PRMT3: variants seen among roughly 807,000 people sequenced by gnomAD.
The protein encoded by PRMT3 is protein arginine N-methyltransferase 3.
In PRMT3, 62 loss-of-function variants were observed where a neutral mutation model predicts 71.9. The ratio of observed to expected loss-of-function variants is 0.86; its 90% CI spans 0.70 to 1.07. PRMT3 has a LOEUF of 1.07. Among genes scored for constraint, PRMT3 ranks in the 50% least tolerant of loss-of-function variants. The probability of loss-of-function intolerance (pLI) is 0.00; values close to 1 mark genes in which losing one functional copy is unlikely to be tolerated. For synonymous variants in PRMT3, 213 were observed against 220.4 expected, an observed-to-expected ratio of 0.97 and a Z score of 0.30; for missense variants, 663 against 643.0, an observed-to-expected ratio of 1.03 and a Z score of -0.34.
intron 13 of PRMT3, among the ~76,000 whole-genome samples, chr11:20,476,324 T>G (rs1334351274): frequency 6.6e-6 from 1 of 152,094 alleles, no homozygotes; most frequent in African/African-American, 2.4e-5. Context: ...TGCACTCCAG[T>G]CTTGGCAATA....
intron 9 of PRMT3, among the ~76,000 whole-genome samples, chr11:20,419,909 C>T (rs543041253): frequency 2.6e-5 from 4 of 152,202 alleles, no homozygotes; most frequent in Non-Finnish European, 5.9e-5. Context: ...CAGTGGCTCA[C>T]GCCTGTAATT....
At chr11:20,391,455 C>T (rs1341759430) in intron 3 of PRMT3, among the ~76,000 whole-genome samples, 1 of 152,176 alleles carries the variant, frequency 6.6e-6, no homozygotes, top group Non-Finnish European at 1.5e-5. Context: ...GTTGGTCAGG[C>T]TGGTCTGGAA....
chr11:20,392,171 A>G (rs1419914597), intron 3 of PRMT3, 40 bp from the exon 4 acceptor site: 2 of 1,550,488 alleles, frequency 1.3e-6, no homozygotes, highest in African/African-American at 2.7e-5. Flanking sequence ...AACAAAACTC[A>G]TTATGTTAAC....
At chr11:20,403,071 T>C in intron 8 of PRMT3, 87 bp downstream of exon 8, 2 of 966,246 alleles carry the variant, frequency 2.1e-6, no homozygotes, top group Admixed American at 1.9e-5. Flanking sequence ...GTGATAGCAA[T>C]TGATTTAACA....
chr11:20,440,995 C>T (rs1849881259), intron 10 of PRMT3, among the ~76,000 whole-genome samples: 1 of 42,380 alleles, frequency 2.4e-5, no homozygotes, highest in Non-Finnish European at 1.5e-4. Context: ...TTCACCTCTC[C>T]CTTTTTTTTT....
chr11:20,453,218 C>T (rs532454514), intron 11 of PRMT3, among the ~76,000 whole-genome samples: 3 of 151,244 alleles, frequency 2.0e-5, no homozygotes, highest in Admixed American at 6.6e-5. Flanking sequence ...CAGTGGCTCA[C>T]GCTTGTAATC....
chr11:20,487,279 A>G (rs1168198140), intron 13 of PRMT3, among the ~76,000 whole-genome samples: 1 of 152,162 alleles, frequency 6.6e-6, no homozygotes, highest in Non-Finnish European at 1.5e-5. Context: ...TCTCTTAGGT[A>G]TATACCCAAT....
chr11:20,454,645 CCAGT>C (rs1229105181), intron 11 of PRMT3, among the ~76,000 whole-genome samples: 4 of 151,962 alleles, frequency 2.6e-5, no homozygotes, highest in African/African-American at 9.7e-5. Context: ...ATGCGTATCA[CCAGT>C]CATTTAGATG....
chr11:20,389,436 ACT>A (rs150823587), intron 2 of PRMT3, among the ~76,000 whole-genome samples: 5,479 of 152,270 alleles, frequency 0.036, 228 homozygotes, highest in Admixed American at 0.12. Flanking sequence ...AGAGAAACAG[ACT>A]CTATCAAAGG....
At chr11:20,504,745 AG>A (rs1851549057) in intron 15 of PRMT3, among the ~76,000 whole-genome samples, 26 of 141,250 alleles carry the variant, frequency 1.8e-4, no homozygotes, top group African/African-American at 6.7e-4. Context: ...AGAGAGAGAG[AG>A]CGAGAGCGAC....
chr11:20,396,511 G>A (rs1490968574), intron 6 of PRMT3, among the ~76,000 whole-genome samples: 1 of 152,004 alleles, frequency 6.6e-6, no homozygotes, highest in African/African-American at 2.4e-5. Context: ...GGTGGTGCAC[G>A]CCTGTAATCC....
At chr11:20,448,640 GA>G (rs1850083375) in intron 10 of PRMT3, among the ~76,000 whole-genome samples, 1 of 152,034 alleles carries the variant, frequency 6.6e-6, no homozygotes, top group East Asian at 1.9e-4. Context: ...AAAAAAGTTA[GA>G]AAGGCACCTT....
Position 20,397,609 on chromosome 11 carries a change from A to T in PRMT3, c.593A>T (p.Asp198Val), listed in dbSNP as rs1257139691. ...GCTCAGGATTTTGTGATGCACACAGATGTCAGAACCTGCTCGTCATCTACT... is the reference window on the plus strand; with the variant it reads ...GCTCAGGATTTTGTGATGCACACAGTTGTCAGAACCTGCTCGTCATCTACT... ...QFAQDFVMHT[D>V]VRTCSSSTSV... Residue 198 changes from aspartate to valine, a missense_variant, in exon 7 of 16, where the codon GAT (aspartate) becomes GTT (valine). Coordinates refer to ENST00000331079, the MANE Select transcript of PRMT3 (RefSeq NM_005788.4). The T allele has an allele frequency of 6.2e-7, 1 of 1,614,030 alleles. No individual in the cohort carries two copies. Among genetic ancestry groups the T allele is most frequent in the African/African-American group, 1.3e-5 (1 of 74,910 alleles).
At chr11:20,394,667 A>T (rs1848787190) in intron 5 of PRMT3, among the ~76,000 whole-genome samples, 1 of 152,228 alleles carries the variant, frequency 6.6e-6, no homozygotes, top group African/African-American at 2.4e-5. Context: ...ATTTTTAACT[A>T]TAGTCACTTT....
At chr11:20,506,012 A>G (rs987521775) in intron 15 of PRMT3, among the ~76,000 whole-genome samples, 1 of 152,172 alleles carries the variant, frequency 6.6e-6, no homozygotes, top group Admixed American at 6.5e-5. Context: ...TCTGGAATCA[A>G]ACTGCCTTGC....
chr11:20,419,730 T>C (rs1341395330), intron 9 of PRMT3, among the ~76,000 whole-genome samples: 1 of 152,236 alleles, frequency 6.6e-6, no homozygotes, highest in Non-Finnish European at 1.5e-5. Flanking sequence ...TCATTATTCT[T>C]TGTACTTACA....
chr11:20,427,032 GTCT>G (rs1469275757), intron 10 of PRMT3, among the ~76,000 whole-genome samples, 167 bp downstream of exon 10: 3 of 152,074 alleles, frequency 2.0e-5, no homozygotes, highest in African/African-American at 7.2e-5. Context: ...AATAGCTACA[GTCT>G]TCTTACTGTA....
At chr11:20,473,572 G>C (rs1850704195) in intron 13 of PRMT3, among the ~76,000 whole-genome samples, 1 of 152,118 alleles carries the variant, frequency 6.6e-6, no homozygotes, top group Admixed American at 6.5e-5. Flanking sequence ...AGGTTTGAGA[G>C]ACTGTTATGA....
In PRMT3 at chr11:20,508,570, CAT is replaced by C. The variant is rs1384103981; in HGVS notation, c.*159_*160del. ...AGAAGTTCTCATTGTGGGAATCTGA[CAT>C]AGTTCAGCTGAGGAAGAGAATCAGC... On this transcript the variant is annotated 3_prime_UTR_variant, in exon 16 of 16. Transcript: ENST00000331079. The C allele has an allele frequency of 4.3e-6, 3 of 702,828 alleles. No individual in the cohort carries two copies. In the African/African-American group the frequency reaches 5.3e-5, roughly 12 times the overall value. 43.5% of individuals were successfully genotyped at this position (702,828 alleles called of 1,614,324 possible). A position where few individuals can be genotyped will look rare whatever the true frequency, so the allele number is the denominator to read the frequency against.
Sources: gnomAD v4.1 joint callset for allele counts (sites outside exome capture counted in the v4.1 genomes callset) on GRCh38, gnomAD v4.1.1 for gene constraint, MANE v1.5 for transcripts, NCBI Gene and HGNC (gene_info 2026-07-23, HGNC 2026-07-21) for gene names.